MAGI2: variants seen among roughly 807,000 people sequenced by gnomAD.
MAGI2 encodes membrane-associated guanylate kinase, WW and PDZ domain-containing protein 2.
MAGI2 carries 35 observed loss-of-function variants against 133.3 expected under a neutral mutation model. The ratio of observed to expected loss-of-function variants is 0.26; its 90% CI spans 0.20 to 0.35. The LOEUF (loss-of-function observed/expected upper bound fraction) is 0.35, where lower values mean the gene tolerates loss of function less well. MAGI2 is among the 10% of genes least tolerant of loss of function. The pLI is 1.00. For missense variants in MAGI2, 1,636 were observed against 1,863.4 expected (o/e 0.88, Z 2.25); for synonymous variants, 729 against 710.6 (o/e 1.03, Z -0.41).
In MAGI2 at chr7:78,493,786, ATAGT is replaced by A. The variant is rs1157342210; in HGVS notation, c.966-3950_966-3947del. On this transcript the variant is annotated intron_variant, in intron 5 of 21. Coordinates refer to ENST00000354212, the MANE Select transcript of MAGI2 (RefSeq NM_012301.4). ...ACAGACTTTTACCTACTGTTTATGG[ATAGT>A]TAATCACTACTTAAATTCCTTTTTA... Among the ~76,000 whole-genome samples the A allele has an allele frequency of 3.9e-5, 6 of 152,216 alleles. No homozygotes were observed. The East Asian group carries it at 1.2e-3, about 29-fold the overall frequency.
chr7:79,377,022 C>T (rs1452695013), intron 1 of MAGI2, among the ~76,000 whole-genome samples: 1 of 151,722 alleles, frequency 6.6e-6, no homozygotes, highest in Non-Finnish European at 1.5e-5. Flanking sequence ...AAGTAAAATG[C>T]AACACTATAG....
chr7:78,151,123 C>T (rs1444067171), intron 16 of MAGI2, among the ~76,000 whole-genome samples: 1 of 143,108 alleles, frequency 7.0e-6, no homozygotes, highest in East Asian at 2.0e-4. Flanking sequence ...TGTTTGCTTA[C>T]TAGTAGGAAC....
At chr7:78,070,590 A>G (rs201744288) in intron 21 of MAGI2, among the ~76,000 whole-genome samples, 15,283 of 119,230 alleles carry the variant, frequency 0.13, 935 homozygotes, top group African/African-American at 0.16. Context: ...ATGTGTATAT[A>G]TATGTGTATA....
At chr7:78,425,498 A>G (rs1169864184) in intron 6 of MAGI2, among the ~76,000 whole-genome samples, 1 of 152,222 alleles carries the variant, frequency 6.6e-6, no homozygotes, top group Admixed American at 6.5e-5. Context: ...TACATGGTAG[A>G]GTTGGAAATG....
intron 2 of MAGI2, among the ~76,000 whole-genome samples, chr7:78,652,937 A>G (rs2151018159): frequency 6.6e-6 from 1 of 152,060 alleles, no homozygotes; most frequent in South Asian, 2.1e-4. Flanking sequence ...CAAATTTACA[A>G]GGGAAAAAAA....
At chr7:78,859,168 A>G (rs573126905) in intron 2 of MAGI2, among the ~76,000 whole-genome samples, 1 of 152,186 alleles carries the variant, frequency 6.6e-6, no homozygotes, top group South Asian at 2.1e-4. Context: ...AATACAGCAC[A>G]CTGATGGGTA....
At chr7:78,085,550 CCACACACACACACA>C (rs10636313) in intron 20 of MAGI2, among the ~76,000 whole-genome samples, 1 of 120,964 alleles carries the variant, frequency 8.3e-6, no homozygotes. Flanking sequence ...AATAAAACTC[CCACACACACACACA>C]CACACACACA....
At chr7:78,526,612 C>G (rs1009896763) in intron 3 of MAGI2, among the ~76,000 whole-genome samples, 1 of 152,006 alleles carries the variant, frequency 6.6e-6, no homozygotes, top group African/African-American at 2.4e-5. Flanking sequence ...ATTTCAGGAC[C>G]CTGACTTATT....
At chr7:79,152,986 A>T (rs1052385758) in intron 1 of MAGI2, among the ~76,000 whole-genome samples, 1 of 152,224 alleles carries the variant, frequency 6.6e-6, no homozygotes, top group Admixed American at 6.5e-5. Flanking sequence ...TTTCTATTTT[A>T]TTAATTTTGG....
intron 1 of MAGI2, among the ~76,000 whole-genome samples, chr7:79,446,820 C>T (rs867439373): frequency 1.3e-5 from 2 of 152,160 alleles, no homozygotes; most frequent in Non-Finnish European, 2.9e-5. Context: ...GCGTGGATGG[C>T]GGGCACCTGT....
intron 3 of MAGI2, among the ~76,000 whole-genome samples, chr7:78,611,711 C>T (rs868590502): frequency 1.5e-4 from 23 of 152,158 alleles, no homozygotes; most frequent in Admixed American, 5.9e-4. Flanking sequence ...GCAAACAATT[C>T]CATTAGACAA....
chr7:78,033,472 CAAAAAAAA>C (rs199985014), intron 21 of MAGI2, among the ~76,000 whole-genome samples: 82,203 of 132,486 alleles, frequency 0.62, 23,859 homozygotes, highest in Middle Eastern at 0.68. Context: ...GAGCTTGTCT[CAAAAAAAA>C]AAAAAAAAAA....
intron 20 of MAGI2, among the ~76,000 whole-genome samples, chr7:78,114,542 C>T (rs1350293713): frequency 6.6e-6 from 1 of 152,230 alleles, no homozygotes; most frequent in African/African-American, 2.4e-5. Flanking sequence ...CTCCCCAGTC[C>T]AGGCAAAGCC....
At chr7:78,375,885 T>C (rs1794405647) in intron 6 of MAGI2, among the ~76,000 whole-genome samples, 1 of 152,146 alleles carries the variant, frequency 6.6e-6, no homozygotes, top group African/African-American at 2.4e-5. Context: ...TGAAATATGT[T>C]TTTAGAATTA....
rs187539635 is a variant in MAGI2, at chr7:78,860,965, C to T, written c.418+146125G>A. Reference sequence around the variant, plus strand: ...ATGGCGGGCACCCCTCCCCAAGCCTCGCTGCCAAGTTGCAGTTCGATCTCA... The same window carrying T: ...ATGGCGGGCACCCCTCCCCAAGCCTTGCTGCCAAGTTGCAGTTCGATCTCA... On this transcript the variant is annotated intron_variant, in intron 2 of 21. Coordinates refer to ENST00000354212, the MANE Select transcript of MAGI2 (RefSeq NM_012301.4). Among the ~76,000 whole-genome samples, 324 of 152,268 alleles carry T rather than the reference C, an allele frequency of 2.1e-3. 1 individual carries two copies. The highest frequency in any genetic ancestry group is 6.9e-3 in the African/African-American group (288 of 41,564).
chr7:78,513,391 T>A (rs1434646328), intron 4 of MAGI2, among the ~76,000 whole-genome samples: 1 of 152,090 alleles, frequency 6.6e-6, no homozygotes, highest in African/African-American at 2.4e-5. Context: ...TATGCCCTCT[T>A]CAAAAAGAAA....
intron 1 of MAGI2, among the ~76,000 whole-genome samples, chr7:79,201,533 G>T (rs1259133288): frequency 6.6e-6 from 1 of 151,526 alleles, no homozygotes; most frequent in African/African-American, 2.4e-5. Context: ...CTTTTTGTTT[G>T]TTTTTTTAAT....
intron 2 of MAGI2, among the ~76,000 whole-genome samples, chr7:78,973,768 C>T (rs1176257373): frequency 6.6e-6 from 1 of 151,532 alleles, no homozygotes; most frequent in Admixed American, 6.6e-5. Context: ...TTCTGGTTGC[C>T]CTGCTGTATG....
chr7:79,080,935 G>T (rs774032454), intron 1 of MAGI2, among the ~76,000 whole-genome samples: 1 of 152,020 alleles, frequency 6.6e-6, no homozygotes, highest in East Asian at 1.9e-4. Flanking sequence ...CACAGCAGCC[G>T]AAGAAACTTT....
Sources: allele counts gnomAD v4.1 joint callset (sites outside exome capture counted in the v4.1 genomes callset), GRCh38; gene constraint gnomAD v4.1.1; transcripts MANE v1.5; gene names NCBI Gene and HGNC (gene_info 2026-07-23, HGNC 2026-07-21).